NEURL1: variants seen among roughly 807,000 people sequenced by gnomAD.
NEURL1 encodes E3 ubiquitin-protein ligase NEURL1.
NEURL1 carries 26 observed loss-of-function variants against 41.2 expected under a neutral mutation model. The observed-to-expected ratio is 0.63, with a 90% CI of 0.46 to 0.87. NEURL1 has a LOEUF of 0.87. Ranked by LOEUF, NEURL1 falls within the 40% of genes least tolerant of loss-of-function variation. The pLI is 0.00. For missense variants in NEURL1, 761 were observed against 871.1 expected, an observed-to-expected ratio of 0.87 and a Z score of 1.59; for synonymous variants, 400 against 402.3, an observed-to-expected ratio of 0.99 and a Z score of 0.07.
At chr10:103,587,677 G>T (rs2035950500) in intron 4 of NEURL1, among the ~76,000 whole-genome samples, 2 of 152,186 alleles carry the variant, frequency 1.3e-5, no homozygotes, top group South Asian at 4.1e-4. Flanking sequence ...ATACTTATTG[G>T]TGAAACATCA....
intron 3 of NEURL1, among the ~76,000 whole-genome samples, chr10:103,578,957 C>A (rs542318652): frequency 6.6e-6 from 1 of 152,206 alleles, no homozygotes; most frequent in Non-Finnish European, 1.5e-5. Context: ...GCAAGCCAGG[C>A]GGCTGCAGGC....
intron 1 of NEURL1, among the ~76,000 whole-genome samples, chr10:103,504,531 CTCAT>C (rs2033903257): frequency 2.0e-5 from 3 of 152,200 alleles, no homozygotes; most frequent in Admixed American, 2.0e-4. Context: ...GTCAACATGA[CTCAT>C]TGCTGTTGAT....
chr10:103,499,056 A>G (rs1335346329), intron 1 of NEURL1, among the ~76,000 whole-genome samples: 1 of 152,242 alleles, frequency 6.6e-6, no homozygotes, highest in East Asian at 1.9e-4. Context: ...TACACCTAAG[A>G]GTACACCTCC....
chr10:103,515,135 G>A (rs2034170324), intron 1 of NEURL1, among the ~76,000 whole-genome samples: 1 of 150,284 alleles, frequency 6.7e-6, no homozygotes, highest in Non-Finnish European at 1.5e-5. Flanking sequence ...GGCTGAGGCA[G>A]GAGAATCGCT....
chr10:103,518,582 A>C (rs1331162371), intron 1 of NEURL1, among the ~76,000 whole-genome samples: 1 of 152,206 alleles, frequency 6.6e-6, no homozygotes, highest in East Asian at 1.9e-4. Flanking sequence ...TGAGTGAGGC[A>C]GATACAGGGA....
At chr10:103,507,453 G>T (rs930030407) in intron 1 of NEURL1, among the ~76,000 whole-genome samples, 3 of 152,148 alleles carry the variant, frequency 2.0e-5, no homozygotes, top group African/African-American at 7.2e-5. Context: ...AGTTGGGCAG[G>T]CGAGCAGATT....
Position 103,558,503 on chromosome 10 carries a change from C to CTGTGTG in NEURL1, c.86-12329_86-12324dup, listed in dbSNP as rs3068767. 7.2e-3 allele frequency among the ~76,000 whole-genome samples: 947 copies of CTGTGTG among 131,980 alleles called. 18 individuals carry two copies. The highest frequency in any genetic ancestry group is 0.025 in the African/African-American group (864 of 34,212). 86.6% of individuals were successfully genotyped at this position (131,980 alleles called of 152,430 possible). A position where few individuals can be genotyped will look rare whatever the true frequency, so the allele number is the denominator to read the frequency against. The stretch of plus-strand genomic sequence containing the variant: ...GTGGTACTCTGTGCCTGTGCCATGC[C>CTGTGTG]TGTGTGTGTGTGTGTGTGTGTGTGT... On this transcript the variant is annotated intron_variant, in intron 1 of 5. Transcript: ENST00000369780. The surrounding 1 kb of genome is among the most constrained non-coding windows in gnomAD (Gnocchi z 4.2).
intron 3 of NEURL1, among the ~76,000 whole-genome samples, chr10:103,582,874 A>T (rs1305841085): frequency 6.6e-6 from 1 of 152,236 alleles, no homozygotes; most frequent in African/African-American, 2.4e-5. Context: ...AAAGGCTTCA[A>T]TAAACAAGGA....
chr10:103,517,723 C>T (rs968678290), intron 1 of NEURL1, among the ~76,000 whole-genome samples: 3 of 152,246 alleles, frequency 2.0e-5, no homozygotes, highest in Non-Finnish European at 4.4e-5. Flanking sequence ...TTCTCCCCTG[C>T]AGCAGCTCTT....
chr10:103,541,812 C>T (rs1249977325), intron 1 of NEURL1, among the ~76,000 whole-genome samples: 2 of 152,152 alleles, frequency 1.3e-5, no homozygotes, highest in Non-Finnish European at 2.9e-5. Flanking sequence ...TGCAGAAAAC[C>T]GGATGTCCCA....
intron 1 of NEURL1, among the ~76,000 whole-genome samples, chr10:103,499,680 G>A (rs1338700815): frequency 6.6e-6 from 1 of 151,918 alleles, no homozygotes; most frequent in Non-Finnish European, 1.5e-5. Context: ...TGTTGCCCAG[G>A]ATGGTCTGGA....
intron 3 of NEURL1, among the ~76,000 whole-genome samples, chr10:103,575,415 G>A (rs780680141): frequency 1.2e-4 from 19 of 152,190 alleles, no homozygotes; most frequent in Non-Finnish European, 2.8e-4. Context: ...TTTTCTGCCA[G>A]GCCTGCCCCT....
At chr10:103,525,427 C>T (rs1457906611) in intron 1 of NEURL1, among the ~76,000 whole-genome samples, 1 of 151,374 alleles carries the variant, frequency 6.6e-6, no homozygotes, top group Non-Finnish European at 1.5e-5. Context: ...CACCTCGGCC[C>T]ACTACAACCT....
At chr10:103,578,924 CAG>C (rs1207259010) in intron 3 of NEURL1, among the ~76,000 whole-genome samples, 2 of 152,238 alleles carry the variant, frequency 1.3e-5, no homozygotes, top group East Asian at 1.9e-4. Flanking sequence ...GCCTCCCAAA[CAG>C]GGGCCAGCAG....
At chr10:103,547,015 A>G (rs1202361087) in intron 1 of NEURL1, among the ~76,000 whole-genome samples, 1 of 152,216 alleles carries the variant, frequency 6.6e-6, no homozygotes, top group East Asian at 1.9e-4. Flanking sequence ...TAGCTCATCT[A>G]CAGTGCTACC....
chr10:103,524,944 A>G (rs1185030190), intron 1 of NEURL1, among the ~76,000 whole-genome samples: 3 of 152,040 alleles, frequency 2.0e-5, no homozygotes, highest in Non-Finnish European at 4.4e-5. Context: ...TAGAATTTTT[A>G]GGATTGTTTT....
At chr10:103,498,110 A>T (rs1331667890) in intron 1 of NEURL1, among the ~76,000 whole-genome samples, 1 of 152,216 alleles carries the variant, frequency 6.6e-6, no homozygotes, top group Non-Finnish European at 1.5e-5. Flanking sequence ...AGTGAGGGGC[A>T]CAGAGTGACT....
Position 103,558,137 on chromosome 10 carries a change from C to T in NEURL1, c.86-12735C>T. ...TCGTGATCCACCTGTGTCGGCCTCCCAAAGTGCTGGGTTTACAGGTGTGAG... is the reference window on the plus strand; with the variant it reads ...TCGTGATCCACCTGTGTCGGCCTCCTAAAGTGCTGGGTTTACAGGTGTGAG... On this transcript the variant is annotated intron_variant, in intron 1 of 5. Coordinates refer to ENST00000369780, the MANE Select transcript of NEURL1 (RefSeq NM_004210.5). The surrounding 1 kb of genome is among the most constrained non-coding windows in gnomAD (Gnocchi z 4.2). The T allele has an allele frequency of 2.0e-6, 2 of 976,388 alleles. No homozygotes were observed. The highest frequency in any genetic ancestry group is 2.4e-6 in the Non-Finnish European group (2 of 821,726). The allele number at this position is 976,388 out of a possible 1,614,324, so 60.5% of individuals were successfully genotyped here. A position where few individuals can be genotyped will look rare whatever the true frequency, so the allele number is the denominator to read the frequency against.
At chr10:103,535,875 G>A (rs554307581) in intron 1 of NEURL1, among the ~76,000 whole-genome samples, 5 of 152,284 alleles carry the variant, frequency 3.3e-5, no homozygotes, top group South Asian at 2.1e-4. Flanking sequence ...AACTCACCCC[G>A]GGAGCAAGAT....
Sources: allele counts gnomAD v4.1 joint callset (sites outside exome capture counted in the v4.1 genomes callset), GRCh38; gene constraint gnomAD v4.1.1; non-coding constraint Gnocchi (gnomAD v3.1); transcripts MANE v1.5; gene names NCBI Gene and HGNC (gene_info 2026-07-23, HGNC 2026-07-21).